The following THSD7B variants were observed in gnomAD, a reference collection of about 807,000 sequenced individuals.
The protein encoded by THSD7B is thrombospondin type 1 domain containing 7B, also known as thrombospondin type-1 domain-containing protein 7B.
THSD7B carries 138 observed loss-of-function variants against 213.6 expected under a neutral mutation model. The observed-to-expected ratio is 0.65, with a 90% CI of 0.56 to 0.74. The LOEUF is 0.74. Among genes scored for constraint, THSD7B ranks in the 30% least tolerant of loss-of-function variants. The probability of loss-of-function intolerance (pLI) is 0.00; values close to 1 mark genes in which losing one functional copy is unlikely to be tolerated. For synonymous variants in THSD7B, 742 were observed against 687.0 expected, an observed-to-expected ratio of 1.08 and a Z score of -1.25; for missense variants, 1,931 against 1,991.5, an observed-to-expected ratio of 0.97 and a Z score of 0.58.
chr2:137,535,883 A>T (rs1040084864), intron 15 of THSD7B, among the ~76,000 whole-genome samples: 1 of 151,412 alleles, frequency 6.6e-6, no homozygotes, highest in African/African-American at 2.4e-5. Context: ...GGGGGAACAG[A>T]CTTGGAGACA....
intron 10 of THSD7B, among the ~76,000 whole-genome samples, chr2:137,266,812 A>G (rs1012887998): frequency 6.6e-6 from 1 of 152,118 alleles, no homozygotes; most frequent in African/African-American, 2.4e-5. Flanking sequence ...GCCAGTGCCT[A>G]TGTTCACTCC....
intron 2 of THSD7B, among the ~76,000 whole-genome samples, chr2:137,009,129 G>T (rs1272666799): frequency 6.6e-6 from 1 of 152,198 alleles, no homozygotes; most frequent in African/African-American, 2.4e-5. Context: ...TTGATACTGA[G>T]TGTCAGAGAG....
At chr2:137,303,446 C>A (rs999425550) in intron 12 of THSD7B, among the ~76,000 whole-genome samples, 10 of 151,436 alleles carry the variant, frequency 6.6e-5, no homozygotes, top group African/African-American at 2.4e-4. Context: ...ATCTTTTTCT[C>A]TGAAAAAGTT....
chr2:137,547,305 C>A (rs893396037), intron 15 of THSD7B, among the ~76,000 whole-genome samples: 1 of 151,988 alleles, frequency 6.6e-6, no homozygotes, highest in Non-Finnish European at 1.5e-5. Flanking sequence ...TGGAAGGACT[C>A]CCATTAAGTG....
At chr2:136,793,402 A>G (rs1436124750) in intron 1 of THSD7B, among the ~76,000 whole-genome samples, 1 of 152,122 alleles carries the variant, frequency 6.6e-6, no homozygotes, top group South Asian at 2.1e-4. Flanking sequence ...TTTATTCACA[A>G]CTTTTGCCCA....
chr2:136,857,438 C>A (rs1165823667), intron 1 of THSD7B, among the ~76,000 whole-genome samples: 2 of 152,180 alleles, frequency 1.3e-5, no homozygotes, highest in Non-Finnish European at 2.9e-5. Context: ...TTTTTATTCC[C>A]TAACTGCCAA....
intron 12 of THSD7B, among the ~76,000 whole-genome samples, chr2:137,311,081 T>C (rs1336133248): frequency 2.6e-5 from 4 of 151,238 alleles, no homozygotes; most frequent in African/African-American, 9.7e-5. Context: ...ATTGAATCTG[T>C]AAATTACCTT....
intron 15 of THSD7B, among the ~76,000 whole-genome samples, chr2:137,483,214 C>A (rs941734801): frequency 6.6e-6 from 1 of 152,148 alleles, no homozygotes; most frequent in African/African-American, 2.4e-5. Context: ...GAATGTTCTA[C>A]GTGCATTATC....
intron 15 of THSD7B, among the ~76,000 whole-genome samples, chr2:137,504,307 G>A (rs1327797178): frequency 6.6e-6 from 1 of 152,114 alleles, no homozygotes; most frequent in Non-Finnish European, 1.5e-5. Flanking sequence ...TAGAATAAAA[G>A]GTAATTGCAA....
At chr2:136,931,728 A>G (rs1305264965) in intron 2 of THSD7B, among the ~76,000 whole-genome samples, 4 of 152,198 alleles carry the variant, frequency 2.6e-5, no homozygotes, top group Non-Finnish European at 4.4e-5. Flanking sequence ...ATAACAGTCC[A>G]TGATACATTC....
intron 12 of THSD7B, among the ~76,000 whole-genome samples, chr2:137,361,667 AAG>A (rs748234008): frequency 1.1e-4 from 17 of 152,330 alleles, no homozygotes; most frequent in Non-Finnish European, 2.1e-4. Context: ...ATGAAGCGCG[AAG>A]AGAAGTTTAA....
chr2:137,388,749 T>C (rs1190104527), intron 12 of THSD7B, among the ~76,000 whole-genome samples: 12 of 152,126 alleles, frequency 7.9e-5, no homozygotes, highest in Non-Finnish European at 1.6e-4. Context: ...AGCACCTACA[T>C]GAGTAAGAAA....
At chr2:137,167,553 C>T (rs927802436) in intron 6 of THSD7B, among the ~76,000 whole-genome samples, 4 of 152,118 alleles carry the variant, frequency 2.6e-5, no homozygotes, top group Admixed American at 2.6e-4. Flanking sequence ...TGGATATACC[C>T]TCCGGAGCCT....
At chr2:137,505,577 G>A (rs1414377908) in intron 15 of THSD7B, among the ~76,000 whole-genome samples, 1 of 152,216 alleles carries the variant, frequency 6.6e-6, no homozygotes, top group African/African-American at 2.4e-5. Flanking sequence ...ATCATGCCTG[G>A]ACCAACATTC....
intron 5 of THSD7B, among the ~76,000 whole-genome samples, chr2:137,141,878 C>A (rs556117916): frequency 2.6e-5 from 4 of 152,054 alleles, no homozygotes; most frequent in Non-Finnish European, 5.9e-5. Context: ...TTTGCTATCA[C>A]CCTTGTCTCC....
At chr2:137,222,252 T>C (rs892844521) in intron 7 of THSD7B, among the ~76,000 whole-genome samples, 1 of 152,114 alleles carries the variant, frequency 6.6e-6, no homozygotes, top group East Asian at 1.9e-4. Context: ...TTATGGCAGG[T>C]ATCTTAGGCC....
At chr2:136,887,570 G>A (rs1387800991) in intron 2 of THSD7B, among the ~76,000 whole-genome samples, 1 of 151,928 alleles carries the variant, frequency 6.6e-6, no homozygotes, top group Non-Finnish European at 1.5e-5. Context: ...AAAGAGAATG[G>A]CACCTACCCC....
chr2:137,039,444 A>G (rs1362614152), intron 2 of THSD7B, among the ~76,000 whole-genome samples: 1 of 152,166 alleles, frequency 6.6e-6, no homozygotes, highest in African/African-American at 2.4e-5. Context: ...ACTGCCATTT[A>G]AAGGGTTGAG....
chr2:137,128,562 T>C (rs1235276094), intron 5 of THSD7B, among the ~76,000 whole-genome samples: 1 of 152,180 alleles, frequency 6.6e-6, no homozygotes, highest in African/African-American at 2.4e-5. Context: ...TTAGGAAAGA[T>C]TGATATAACC....
Sources: gnomAD v4.1 joint callset for allele counts (sites outside exome capture counted in the v4.1 genomes callset) on GRCh38, gnomAD v4.1.1 for gene constraint, MANE v1.5 for transcripts, NCBI Gene and HGNC (gene_info 2026-07-23, HGNC 2026-07-21) for gene names.